The following ANKRD28 variants were observed in gnomAD, a reference collection of about 807,000 sequenced individuals.
ANKRD28 encodes ankyrin repeat domain 28.
A neutral mutation model predicts 126.5 loss-of-function variants in ANKRD28; 44 were observed. The observed-to-expected ratio is 0.35, with a 90% CI of 0.27 to 0.45. The LOEUF (loss-of-function observed/expected upper bound fraction) is 0.45, where lower values mean the gene tolerates loss of function less well. Ranked by LOEUF, ANKRD28 falls within the 20% of genes least tolerant of loss-of-function variation. ANKRD28 has a pLI of 1.00. For synonymous variants in ANKRD28, 442 were observed against 468.5 expected (o/e 0.94, Z 0.73); for missense variants, 1,110 against 1,316.6 (o/e 0.84, Z 2.43).
chr3:15,803,031 T>C (rs1218502213), intron 1 of ANKRD28, among the ~76,000 whole-genome samples: 2 of 152,158 alleles, frequency 1.3e-5, no homozygotes, highest in Admixed American at 6.5e-5. Context: ...GAAGCAATCA[T>C]GAGGGACAAT....
rs1002633646 is a variant in ANKRD28 at position 15,796,902 on chromosome 3, G to A, written c.-381C>T. 7.0e-5 allele frequency: 69 copies of A among 987,194 alleles called. No individual in the cohort carries two copies. The African/African-American group carries it at 1.2e-3, about 17-fold the overall frequency. The allele number at this position is 987,194 out of a possible 1,614,324, so 61.2% of individuals were successfully genotyped here. ...TTGCACAAAACAATCATTGTTTTTG[G>A]TGACACAACACCACACAATATAGAA... On this transcript the variant is annotated 5_prime_UTR_variant, in exon 1 of 28. Transcript: ENST00000683139.
At chr3:15,762,188 TAAAAA>T (rs1163421626) in intron 3 of ANKRD28, among the ~76,000 whole-genome samples, 2 of 64,980 alleles carry the variant, frequency 3.1e-5, no homozygotes, top group African/African-American at 5.9e-5. Flanking sequence ...ACTATGTCTT[TAAAAA>T]AAAAAAAAAA....
chr3:15,800,856 T>C (rs917591550), upstream of ANKRD28, among the ~76,000 whole-genome samples: 3 of 152,116 alleles, frequency 2.0e-5, no homozygotes, highest in African/African-American at 7.2e-5. Context: ...GAGAAATATG[T>C]CAGTTTTTAA....
chr3:15,852,007 G>T (rs779471169), intron 1 of ANKRD28, among the ~76,000 whole-genome samples: 1 of 152,214 alleles, frequency 6.6e-6, no homozygotes, highest in Non-Finnish European at 1.5e-5. Flanking sequence ...AAGTGAAACA[G>T]GAAAAGTCTA....
At chr3:15,835,450 C>CA (rs1034686068) in intron 1 of ANKRD28, among the ~76,000 whole-genome samples, 7 of 152,012 alleles carry the variant, frequency 4.6e-5, no homozygotes, top group African/African-American at 1.7e-4. Flanking sequence ...ACAACAACAA[C>CA]AAAAAAAGGT....
At chr3:15,834,403 A>AAT (rs747201016) in intron 1 of ANKRD28, among the ~76,000 whole-genome samples, 26 of 152,184 alleles carry the variant, frequency 1.7e-4, no homozygotes, top group Non-Finnish European at 2.9e-4. Flanking sequence ...TTGTTCCAGT[A>AAT]ATATATATAT....
intron 8 of ANKRD28, among the ~76,000 whole-genome samples, chr3:15,717,396 A>C (rs2073192274): frequency 6.6e-6 from 1 of 152,172 alleles, no homozygotes; most frequent in Admixed American, 6.5e-5. Flanking sequence ...TTACTAACTA[A>C]AAAGTTTGCC....
At chr3:15,794,714 T>C (rs1413065433) in intron 2 of ANKRD28, among the ~76,000 whole-genome samples, 1 of 152,138 alleles carries the variant, frequency 6.6e-6, no homozygotes, top group Non-Finnish European at 1.5e-5. Flanking sequence ...GAAAACCTAA[T>C]CTGACAAAAA....
chr3:15,802,585 T>C (rs963725000), upstream of ANKRD28, among the ~76,000 whole-genome samples: 1 of 152,286 alleles, frequency 6.6e-6, no homozygotes, highest in Non-Finnish European at 1.5e-5. Flanking sequence ...TAAAATGAGT[T>C]AGAAACTTGA....
At chr3:15,788,697 A>T (rs1447698626) in intron 2 of ANKRD28, among the ~76,000 whole-genome samples, 1 of 152,146 alleles carries the variant, frequency 6.6e-6, no homozygotes, top group Non-Finnish European at 1.5e-5. Context: ...AGATTAACCT[A>T]TTTGGGTTCT....
In ANKRD28 at chr3:15,721,006, C is replaced by T. The variant is rs373009412; in HGVS notation, c.905G>A (p.Gly302Glu). 8.1e-6 allele frequency: 13 copies of T among 1,613,730 alleles called. No homozygotes were observed. The highest frequency in any genetic ancestry group is 1.6e-4 in the Middle Eastern group (1 of 6,080). ...AGCAGCAAAGTGCAAAGGAGTAAAT[C>T]CTTTTTCATTCTTTTGATTCACAAT... is the stretch of plus-strand genomic sequence containing the variant. ...GAIVNQKNEK[G>E]FTPLHFAAAS... The change falls in exon 8 of 28, where the codon GGA (glycine) becomes GAA (glutamate). Residue 302 changes from glycine to glutamate, a missense_variant. Coordinates refer to ENST00000683139, the MANE Select transcript of ANKRD28 (RefSeq NM_001349278.2).
intron 13 of ANKRD28, among the ~76,000 whole-genome samples, chr3:15,708,464 G>C (rs1480317586): frequency 2.0e-5 from 3 of 151,332 alleles, no homozygotes; most frequent in Admixed American, 1.3e-4. Flanking sequence ...CTCAGAAGAA[G>C]AACAAAAGGT....
chr3:15,814,344 C>A lies in ANKRD28; in HGVS notation c.28-19038G>T, dbSNP rs773220187. The A allele has an allele frequency of 8.5e-7, 1 of 1,179,666 alleles. No individual in the cohort carries two copies. Among genetic ancestry groups the A allele is most frequent in the Non-Finnish European group, 1.1e-6 (1 of 905,576 alleles). 73.1% of individuals were successfully genotyped at this position (1,179,666 alleles called of 1,614,324 possible). On this transcript the variant is annotated intron_variant, in intron 1 of 27. Coordinates refer to the ANKRD28 transcript ENST00000399451. The surrounding 1 kb of genome is among the most constrained non-coding windows in gnomAD (Gnocchi z 4.7). ...AAAACAGATATCAAAAGAAAGAATA[C>A]GCTGATCCTAGAAATTAAGGGCTAT...
At chr3:15,849,713 C>A (rs911133216) in intron 1 of ANKRD28, among the ~76,000 whole-genome samples, 1 of 152,118 alleles carries the variant, frequency 6.6e-6, no homozygotes, top group Non-Finnish European at 1.5e-5. Context: ...CTAGTTAACT[C>A]CCCTAGAAAA....
intron 6 of ANKRD28, among the ~76,000 whole-genome samples, chr3:15,729,752 A>G (rs1299640716): frequency 6.6e-6 from 1 of 152,182 alleles, no homozygotes; most frequent in Non-Finnish European, 1.5e-5. Context: ...AGGCAGATTC[A>G]GTTGTTTATA....
chr3:15,858,345 C>T (rs1478833108), intron 1 of ANKRD28, among the ~76,000 whole-genome samples: 3 of 152,164 alleles, frequency 2.0e-5, no homozygotes, highest in African/African-American at 7.2e-5. Flanking sequence ...TAATGATACA[C>T]AAGGTCTGCG....
chr3:15,773,400 G>A (rs78652378), intron 2 of ANKRD28, among the ~76,000 whole-genome samples: 3,699 of 152,230 alleles, frequency 0.024, 162 homozygotes, highest in African/African-American at 0.082. Context: ...TAAGGTGGGC[G>A]GATCACCTGA....
At chr3:15,677,821 T>C (rs1234797243) in intron 24 of ANKRD28, among the ~76,000 whole-genome samples, 1 of 152,176 alleles carries the variant, frequency 6.6e-6, no homozygotes, top group Admixed American at 6.5e-5. Flanking sequence ...TAAATACTGT[T>C]TTATATGCTC....
intron 5 of ANKRD28, 48 bp downstream of exon 5, chr3:15,736,985 G>A (rs996935268): frequency 2.6e-6 from 4 of 1,566,792 alleles, no homozygotes; most frequent in Non-Finnish European, 3.5e-6. Flanking sequence ...ATAAGTGGGG[G>A]GTGGACAGGA....
Sources: allele counts gnomAD v4.1 joint callset (sites outside exome capture counted in the v4.1 genomes callset), GRCh38; gene constraint gnomAD v4.1.1; non-coding constraint Gnocchi (gnomAD v3.1); transcripts MANE v1.5; gene names NCBI Gene and HGNC (gene_info 2026-07-23, HGNC 2026-07-21).